The following KDM2B variants were observed in gnomAD, a reference collection of about 807,000 sequenced individuals.
The protein encoded by KDM2B is lysine-specific demethylase 2B.
In KDM2B, 26 loss-of-function variants were observed where a neutral mutation model predicts 150.0. The ratio of observed to expected loss-of-function variants is 0.17; its 90% CI spans 0.13 to 0.24. The LOEUF (loss-of-function observed/expected upper bound fraction) is 0.24, where lower values mean the gene tolerates loss of function less well. Among genes scored for constraint, KDM2B ranks in the 10% least tolerant of loss-of-function variants. The pLI is 1.00. For missense variants in KDM2B, 1,265 were observed against 1,816.9 expected (o/e 0.70, Z 5.52); for synonymous variants, 734 against 729.5 (o/e 1.01, Z -0.10).
chr12:121,483,710 AAC>A (rs1555298300), intron 12 of KDM2B, among the ~76,000 whole-genome samples: 1 of 107,866 alleles, frequency 9.3e-6, no homozygotes, highest in African/African-American at 5.0e-5. Flanking sequence ...AAAAACAAAC[AAC>A]AACAACACAC....
At chr12:121,417,156 G>A in the KDM2B span, among the ~76,000 whole-genome samples, 1 of 152,240 alleles carries the variant, frequency 6.6e-6, no homozygotes, top group African/African-American at 2.4e-5. This position sits in a 1 kb window ranked among gnomAD's most constrained non-coding sequence, Gnocchi z 5.0. Context: ...AATTGTTCAT[G>A]TAGGAAAAGA....
the KDM2B span, among the ~76,000 whole-genome samples, chr12:121,414,555 T>C: frequency 6.6e-6 from 1 of 152,216 alleles, no homozygotes; most frequent in African/African-American, 2.4e-5. Context: ...TTCTGGGCCA[T>C]TTAGTGGAGT....
intron 12 of KDM2B, among the ~76,000 whole-genome samples, chr12:121,458,835 C>A (rs142070627): frequency 0.013 from 2,010 of 151,954 alleles, 45 homozygotes; most frequent in African/African-American, 0.046. Flanking sequence ...CTCCTGTAAT[C>A]CCAGCACTTT....
At chr12:121,420,625 T>G in the KDM2B span, 21 of 1,614,040 alleles carry the variant, frequency 1.3e-5, no homozygotes, top group Admixed American at 2.8e-4. Context: ...GTCTGACTTG[T>G]CAAGCCTTGA....
rs1166443481 is a variant in KDM2B, at chr12:121,549,391, G to C, written c.576+69C>G. 1.4e-6 allele frequency: 2 copies of C among 1,433,928 alleles called. No homozygotes were observed. The highest frequency in any genetic ancestry group is 4.1e-5 in the Admixed American group (2 of 48,502). The allele number at this position is 1,433,928 out of a possible 1,614,324, so 88.8% of individuals were successfully genotyped here. A position where few individuals can be genotyped will look rare whatever the true frequency, so the allele number is the denominator to read the frequency against. On this transcript the variant is annotated intron_variant, in intron 5 of 22. Transcript: ENST00000377071. This position sits in a 1 kb window ranked among gnomAD's most constrained non-coding sequence, Gnocchi z 4.4. ...AGCCTTTTTGCAAGGCACAACCCAG[G>C]TGGCAGGGGGACAGGGAAGGAGATG... is the stretch of plus-strand genomic sequence containing the variant.
intron 11 of KDM2B, among the ~76,000 whole-genome samples, chr12:121,501,311 G>A (rs1439021476): frequency 2.0e-5 from 3 of 152,046 alleles, no homozygotes; most frequent in East Asian, 1.9e-4. Context: ...CCCGGGAGGC[G>A]GATGTTGCAG....
chr12:121,450,165 T>C (rs781947586), intron 13 of KDM2B, among the ~76,000 whole-genome samples: 56 of 151,670 alleles, frequency 3.7e-4, no homozygotes, highest in Middle Eastern at 3.2e-3. Flanking sequence ...AATACAAAAA[T>C]TAGCTGGGTG....
chr12:121,563,590 G>C (rs1470168754), intron 4 of KDM2B, among the ~76,000 whole-genome samples: 3 of 151,162 alleles, frequency 2.0e-5, no homozygotes, highest in Admixed American at 6.6e-5. Context: ...CTGGGTGATA[G>C]AGTGAGACTC....
intron 4 of KDM2B, among the ~76,000 whole-genome samples, chr12:121,569,910 G>A (rs77102363): frequency 0.036 from 5,421 of 151,066 alleles, 336 homozygotes; most frequent in African/African-American, 0.13. Context: ...GTGCAGTGGC[G>A]TGATCTTGGC....
intron 12 of KDM2B, among the ~76,000 whole-genome samples, chr12:121,458,712 A>C (rs1275212133): frequency 6.6e-6 from 1 of 152,120 alleles, no homozygotes; most frequent in Non-Finnish European, 1.5e-5. Context: ...GAGGCAGGAG[A>C]ATCACTTGAA....
Position 121,442,514 on chromosome 12 carries a change from T to A in KDM2B, c.2927A>T (p.Glu976Val). The stretch of plus-strand genomic sequence containing the variant: ...GGGCTCCTCGCCCTCGCTCTCAGGC[T>A]CCGACTTGATGGGCTGCTGGTTCTC... ...ANENQQPIKS[E>V]PESEGEEPKR... Residue 976 changes from glutamate to valine, a missense_variant, in exon 19 of 23, where the codon GAG (glutamate) becomes GTG (valine). This residue lies in a region of KDM2B where 418 missense variants were observed against 402.4 expected (regional missense o/e 1.04). Transcript: ENST00000377071. The surrounding 1 kb of genome is among the most constrained non-coding windows in gnomAD (Gnocchi z 7.7). The A allele has an allele frequency of 6.3e-7, 1 of 1,599,538 alleles. No homozygotes were observed. Among genetic ancestry groups the A allele is most frequent in the Non-Finnish European group, 8.5e-7 (1 of 1,179,860 alleles).
intron 4 of KDM2B, among the ~76,000 whole-genome samples, chr12:121,562,354 T>TG (rs1400754011): frequency 6.7e-6 from 1 of 149,470 alleles, no homozygotes; most frequent in African/African-American, 2.5e-5. Flanking sequence ...CGTGGTGGTA[T>TG]GAGCCTGTAA....
intron 4 of KDM2B, among the ~76,000 whole-genome samples, chr12:121,559,396 C>T (rs371830067): frequency 1.6e-4 from 24 of 152,230 alleles, no homozygotes; most frequent in Middle Eastern, 6.8e-3. Flanking sequence ...TTCTGTTGGG[C>T]ACCTGGGCTT....
chr12:121,491,091 C>G (rs782284303), intron 12 of KDM2B, among the ~76,000 whole-genome samples: 3 of 152,146 alleles, frequency 2.0e-5, no homozygotes, highest in Admixed American at 6.6e-5. Flanking sequence ...TTTAACCCCA[C>G]CAGCCAGGAA....
intron 22 of KDM2B, among the ~76,000 whole-genome samples, chr12:121,433,996 T>C (rs558827347): frequency 3.1e-4 from 47 of 151,602 alleles, no homozygotes; most frequent in African/African-American, 1.1e-3. Context: ...CTGAGCAACA[T>C]AGCAAAAGCC....
At chr12:121,463,756 T>A (rs1194819903) in intron 12 of KDM2B, among the ~76,000 whole-genome samples, 1 of 152,184 alleles carries the variant, frequency 6.6e-6, no homozygotes, top group African/African-American at 2.4e-5. Flanking sequence ...ATTTTTGTAC[T>A]TTTTTGTAGA....
At chr12:121,470,046 G>A (rs1880594091) in intron 12 of KDM2B, 1 of 150,212 alleles carries the variant, frequency 6.7e-6, no homozygotes, top group Non-Finnish European at 1.5e-5. Flanking sequence ...GCAGTGGGCG[G>A]AGATCGTGCC....
the KDM2B span, chr12:121,418,360 GA>G: frequency 1.0e-3 from 164 of 158,866 alleles, no homozygotes; most frequent in South Asian, 0.023. Flanking sequence ...AGAGCCATCT[GA>G]ATTAGTGAAA....
At chr12:121,579,670 C>A (rs1555317565) in intron 1 of KDM2B, 1 of 1,375,768 alleles carries the variant, frequency 7.3e-7, no homozygotes, top group Admixed American at 2.2e-5. Context: ...AAGGAGACTC[C>A]CCCACCACTC....
Sources: gnomAD v4.1 joint callset for allele counts (sites outside exome capture counted in the v4.1 genomes callset) on GRCh38, gnomAD v4.1.1 for gene constraint, gnomAD v4.1.1 regional missense constraint, Gnocchi (gnomAD v3.1) non-coding constraint, MANE v1.5 for transcripts, NCBI Gene and HGNC (gene_info 2026-07-23, HGNC 2026-07-21) for gene names.